The following MAP2K5 variants were observed in gnomAD, a reference collection of about 807,000 sequenced individuals.
The protein encoded by MAP2K5 is dual specificity mitogen-activated protein kinase kinase 5.
MAP2K5 carries 49 observed loss-of-function variants against 83.1 expected under a neutral mutation model. That is an observed-to-expected ratio of 0.59 (90% CI 0.47 to 0.75). The LOEUF (loss-of-function observed/expected upper bound fraction) is 0.75, where lower values mean the gene tolerates loss of function less well. MAP2K5 is among the 30% of genes least tolerant of loss of function. The pLI is 0.00. For missense variants in MAP2K5, 457 were observed against 557.5 expected (o/e 0.82, Z 1.82); for synonymous variants, 202 against 191.8 (o/e 1.05, Z -0.44).
chr15:67,705,155 G>A (rs1025627210), intron 16 of MAP2K5, among the ~76,000 whole-genome samples: 3 of 152,226 alleles, frequency 2.0e-5, no homozygotes, highest in African/African-American at 7.2e-5. Context: ...ATAAAATGCA[G>A]AGGCATGGCA....
At chr15:67,560,057 G>A (rs1370905755) in intron 2 of MAP2K5, among the ~76,000 whole-genome samples, 2 of 152,350 alleles carry the variant, frequency 1.3e-5, no homozygotes, top group East Asian at 1.9e-4. Context: ...ATCTTGGCTA[G>A]ATGGGCTGTA....
Position 67,598,934 on chromosome 15 carries a change from C to T in MAP2K5, c.481-1751C>T, listed in dbSNP as rs930975630. 5.3e-5 allele frequency among the ~76,000 whole-genome samples: 8 copies of T among 152,282 alleles called. No homozygotes were observed. The East Asian group carries it at 7.7e-4, about 15-fold the overall frequency. ...GTTAATAGTACAAATCAGGTTGTTA[C>T]GGACATGTTTAGATTACTTAGAGAA... On this transcript the variant is annotated intron_variant, in intron 7 of 21. Transcript: ENST00000178640.
In MAP2K5 at chr15:67,565,529, G is replaced by A. The variant is rs6494671; in HGVS notation, c.252+2179G>A. Among the ~76,000 whole-genome samples the A allele has an allele frequency of 1, 151,996 of 152,352 alleles. 75,821 individuals carry two copies. The highest frequency in any genetic ancestry group is 1 in the Middle Eastern group (294 of 294). On this transcript the variant is annotated intron_variant, in intron 3 of 21. Coordinates refer to ENST00000178640, the MANE Select transcript of MAP2K5 (RefSeq NM_145160.3). The surrounding 1 kb of genome is among the most constrained non-coding windows in gnomAD (Gnocchi z 4.1). ...AGGCATGAGCCACTGTGCCCGGCCT[G>A]TCATCATCATTATTAAATTCTGAAT... is the stretch of plus-strand genomic sequence containing the variant.
At chr15:67,633,790 A>G (rs2086528879) in intron 9 of MAP2K5, among the ~76,000 whole-genome samples, 1 of 152,192 alleles carries the variant, frequency 6.6e-6, no homozygotes. Context: ...TGTAGCCCTG[A>G]GCTTGTTGGT....
At chr15:67,787,203 C>G (rs914853281) in intron 21 of MAP2K5, among the ~76,000 whole-genome samples, 14 of 152,234 alleles carry the variant, frequency 9.2e-5, no homozygotes, top group Non-Finnish European at 1.3e-4. Context: ...GAAGCTGATT[C>G]GTGCATAGGA....
chr15:67,615,512 T>C (rs2086036442), intron 8 of MAP2K5, among the ~76,000 whole-genome samples: 1 of 152,154 alleles, frequency 6.6e-6, no homozygotes, highest in Admixed American at 6.5e-5. Flanking sequence ...CTGTCAGTGT[T>C]GATTTCCCTG....
At chr15:67,729,967 A>C (rs2089184561) in intron 17 of MAP2K5, among the ~76,000 whole-genome samples, 1 of 152,236 alleles carries the variant, frequency 6.6e-6, no homozygotes, top group African/African-American at 2.4e-5. Flanking sequence ...CCTTTATACC[A>C]GAGTTGGGGC....
chr15:67,586,267 A>G (rs1048934177), intron 5 of MAP2K5, among the ~76,000 whole-genome samples: 2 of 152,234 alleles, frequency 1.3e-5, no homozygotes, highest in Non-Finnish European at 2.9e-5. Context: ...CATATTGCAC[A>G]TGGAATACCC....
intron 19 of MAP2K5, among the ~76,000 whole-genome samples, chr15:67,759,122 T>C (rs182988178): frequency 1.3e-3 from 198 of 152,280 alleles, no homozygotes; most frequent in African/African-American, 4.0e-3. Context: ...AAATGTGTTA[T>C]CTTAAAAAAT....
At chr15:67,557,829 G>A (rs1000943061) in intron 2 of MAP2K5, among the ~76,000 whole-genome samples, 3 of 152,052 alleles carry the variant, frequency 2.0e-5, no homozygotes, top group Admixed American at 6.5e-5. Flanking sequence ...TAAAATATTT[G>A]GAAGAAATGA....
Position 67,565,029 on chromosome 15 carries a change from AAGAC to A in MAP2K5, c.252+1683_252+1686del, listed in dbSNP as rs1029582046. Among the ~76,000 whole-genome samples the A allele has an allele frequency of 2.6e-5, 4 of 152,196 alleles. No homozygotes were observed. Among genetic ancestry groups the A allele is most frequent in the African/African-American group, 9.7e-5 (4 of 41,450 alleles). On this transcript the variant is annotated intron_variant, in intron 3 of 21. Transcript: ENST00000178640. The surrounding 1 kb of genome is among the most constrained non-coding windows in gnomAD (Gnocchi z 4.1). Reference sequence around the variant, plus strand: ...TTTTTAGTTTTAATAATCACTCTGTAAGACAGATATTATCATCCTTATTTTTTAG... The same window carrying A: ...TTTTTAGTTTTAATAATCACTCTGTAAGATATTATCATCCTTATTTTTTAG...
At chr15:67,772,444 CTTTA>C in intron 20 of MAP2K5, among the ~76,000 whole-genome samples, 1 of 145,878 alleles carries the variant, frequency 6.9e-6, no homozygotes, top group Non-Finnish European at 1.5e-5. Flanking sequence ...TAAATTCATT[CTTTA>C]TTTGTGTTGC....
At chr15:67,620,896 A>T (rs968748975) in intron 8 of MAP2K5, among the ~76,000 whole-genome samples, 1 of 152,192 alleles carries the variant, frequency 6.6e-6, no homozygotes, top group Non-Finnish European at 1.5e-5. Context: ...ATAATAGAGG[A>T]AGAGAAGTCG....
intron 12 of MAP2K5, among the ~76,000 whole-genome samples, chr15:67,664,333 CAAAAAAA>C (rs11395465): frequency 6.7e-5 from 5 of 74,090 alleles, no homozygotes; most frequent in Non-Finnish European, 1.2e-4. Context: ...CTGTTTCTAC[CAAAAAAA>C]AAAAAAAAAA....
chr15:67,756,159 CTG>C (rs2089829860), intron 19 of MAP2K5, among the ~76,000 whole-genome samples: 1 of 152,210 alleles, frequency 6.6e-6, no homozygotes, highest in African/African-American at 2.4e-5. Context: ...ACAAGGGACA[CTG>C]TGTTTTAAGT....
At chr15:67,684,814 T>C (rs1464136557) in intron 13 of MAP2K5, among the ~76,000 whole-genome samples, 1 of 152,160 alleles carries the variant, frequency 6.6e-6, no homozygotes, top group Non-Finnish European at 1.5e-5. Context: ...AAATAAAAAT[T>C]TCATTGATGG....
At chr15:67,773,302 G>C (rs772014437) in intron 21 of MAP2K5, among the ~76,000 whole-genome samples, 2 of 152,136 alleles carry the variant, frequency 1.3e-5, no homozygotes, top group Non-Finnish European at 2.9e-5. Flanking sequence ...AGCAGGGAGA[G>C]GAACAGAGAT....
intron 16 of MAP2K5, among the ~76,000 whole-genome samples, chr15:67,707,453 T>C (rs1166867052): frequency 6.6e-6 from 1 of 152,246 alleles, no homozygotes; most frequent in Non-Finnish European, 1.5e-5. Context: ...TTTCTAAGAA[T>C]TACTCCTCTT....
chr15:67,587,564 C>CT lies in MAP2K5; in HGVS notation c.431+654dup, dbSNP rs1185255271. ...TGAACATCCCTGTCGGAGGAATGCA[C>CT]TTTATCAGCCAACGCAGCTCCTTCC... On this transcript the variant is annotated intron_variant, in intron 6 of 21. Transcript: ENST00000178640. This position sits in a 1 kb window ranked among gnomAD's most constrained non-coding sequence, Gnocchi z 4.8. Among the ~76,000 whole-genome samples, 1 of 152,200 alleles carries CT rather than the reference C, an allele frequency of 6.6e-6. No individual in the cohort carries two copies. Among genetic ancestry groups the CT allele is most frequent in the Non-Finnish European group, 1.5e-5 (1 of 68,026 alleles).
Sources: allele counts gnomAD v4.1 joint callset (sites outside exome capture counted in the v4.1 genomes callset), GRCh38; gene constraint gnomAD v4.1.1; non-coding constraint Gnocchi (gnomAD v3.1); transcripts MANE v1.5; gene names NCBI Gene and HGNC (gene_info 2026-07-23, HGNC 2026-07-21).